CERS3: variants seen among roughly 807,000 people sequenced by gnomAD.
CERS3 encodes LAG1 homolog, ceramide synthase 3.
In CERS3, 33 loss-of-function variants were observed where a neutral mutation model predicts 50.3. That is an observed-to-expected ratio of 0.66 (90% confidence interval 0.50 to 0.88). CERS3 has a LOEUF of 0.88. Ranked by LOEUF, CERS3 falls within the 40% of genes least tolerant of loss-of-function variation. The probability of loss-of-function intolerance (pLI) is 0.00; values close to 1 mark genes in which losing one functional copy is unlikely to be tolerated. For synonymous variants in CERS3, 176 were observed against 155.2 expected, an observed-to-expected ratio of 1.13 and a Z score of -0.99; for missense variants, 470 against 460.3, an observed-to-expected ratio of 1.02 and a Z score of -0.19.
At chr15:100,496,365 C>T (rs1285039367) in intron 3 of CERS3, among the ~76,000 whole-genome samples, 1 of 151,874 alleles carries the variant, frequency 6.6e-6, no homozygotes, top group African/African-American at 2.4e-5. Context: ...AAAGGAACCA[C>T]TGATATACAT....
intron 11 of CERS3, among the ~76,000 whole-genome samples, chr15:100,425,071 C>T (rs756835722): frequency 6.6e-6 from 1 of 152,172 alleles, no homozygotes; most frequent in African/African-American, 2.4e-5. Context: ...TGGGAGCCTC[C>T]GCCTAGATTT....
upstream of CERS3, among the ~76,000 whole-genome samples, chr15:100,531,415 G>A (rs2142412404): frequency 6.6e-6 from 1 of 152,294 alleles, no homozygotes; most frequent in Middle Eastern, 3.4e-3. Flanking sequence ...CTTTGTGGGA[G>A]CTGTGGGAGT....
intron 1 of CERS3, among the ~76,000 whole-genome samples, chr15:100,523,101 T>C (rs895121562): frequency 7.9e-5 from 12 of 152,312 alleles, no homozygotes; most frequent in South Asian, 4.1e-4. Context: ...ATGTTTCAAG[T>C]CTCTTGGCTG....
At chr15:100,428,369 A>T (rs1165581028) in intron 11 of CERS3, among the ~76,000 whole-genome samples, 1 of 152,244 alleles carries the variant, frequency 6.6e-6, no homozygotes, top group Non-Finnish European at 1.5e-5. Context: ...GTGGGAAAGC[A>T]ATGAATAATT....
At chr15:100,432,416 C>T (rs2033181716) in intron 11 of CERS3, among the ~76,000 whole-genome samples, 1 of 152,200 alleles carries the variant, frequency 6.6e-6, no homozygotes, top group African/African-American at 2.4e-5. Flanking sequence ...GACAATTCCC[C>T]AGTGGAGGAA....
intron 3 of CERS3, among the ~76,000 whole-genome samples, chr15:100,501,418 A>G (rs1348913636): frequency 2.0e-5 from 3 of 152,162 alleles, no homozygotes; most frequent in Non-Finnish European, 1.5e-5. Flanking sequence ...GTGGTCCGCA[A>G]CCTCTCTTGA....
chr15:100,449,007 A>G (rs1235520672), intron 11 of CERS3, among the ~76,000 whole-genome samples: 1 of 152,166 alleles, frequency 6.6e-6, no homozygotes, highest in Non-Finnish European at 1.5e-5. Context: ...CACTCTTCCC[A>G]GTAGCAGGGC....
intron 11 of CERS3, among the ~76,000 whole-genome samples, chr15:100,413,019 T>A (rs2031607758): frequency 6.6e-6 from 1 of 150,826 alleles, no homozygotes; most frequent in Non-Finnish European, 1.5e-5. Context: ...ATGCATAGAT[T>A]TTTTTCATAC....
At chr15:100,417,508 G>C (rs2032030716) in intron 11 of CERS3, among the ~76,000 whole-genome samples, 1 of 152,008 alleles carries the variant, frequency 6.6e-6, no homozygotes, top group Non-Finnish European at 1.5e-5. Context: ...TGGGGGAGGG[G>C]CGCCCGCCAT....
chr15:100,427,104 C>G (rs1317596097), intron 11 of CERS3, among the ~76,000 whole-genome samples: 1 of 152,136 alleles, frequency 6.6e-6, no homozygotes, highest in Admixed American at 6.6e-5. Context: ...AGTAGTCAGC[C>G]GAGGGGTGTG....
chr15:100,433,376 C>G (rs2033231877), intron 11 of CERS3, among the ~76,000 whole-genome samples: 1 of 151,210 alleles, frequency 6.6e-6, no homozygotes, highest in Non-Finnish European at 1.5e-5. Flanking sequence ...GCTATAGAAT[C>G]AACATGAACA....
chr15:100,428,390 A>G (rs1387037845), intron 11 of CERS3, among the ~76,000 whole-genome samples: 1 of 152,212 alleles, frequency 6.6e-6, no homozygotes, highest in Non-Finnish European at 1.5e-5. Flanking sequence ...TGGGAAAAAC[A>G]CCTTGCCACA....
At chr15:100,513,855 A>G (rs2036421511) in intron 2 of CERS3, among the ~76,000 whole-genome samples, 1 of 152,108 alleles carries the variant, frequency 6.6e-6, no homozygotes, top group Admixed American at 6.5e-5. Context: ...TGCATAGGCC[A>G]TTCCTTCTGC....
chr15:100,421,521 T>C (rs1229787135), intron 11 of CERS3, among the ~76,000 whole-genome samples: 3 of 151,322 alleles, frequency 2.0e-5, no homozygotes, highest in Admixed American at 6.6e-5. Context: ...AGGTAATTTA[T>C]AGATTCAATG....
intron 2 of CERS3, chr15:100,503,920 A>G (rs976763249): frequency 2.7e-6 from 1 of 363,846 alleles, no homozygotes; most frequent in African/African-American, 2.1e-5. Context: ...GAAGAAAGAA[A>G]ACTCAAGGGA....
chr15:100,471,636 G>A (rs936794630), intron 9 of CERS3, among the ~76,000 whole-genome samples: 2 of 152,158 alleles, frequency 1.3e-5, no homozygotes, highest in Non-Finnish European at 2.9e-5. Context: ...AATTACACCA[G>A]CGAGGGCTGC....
chr15:100,494,040 T>G (rs1192016951), intron 3 of CERS3, among the ~76,000 whole-genome samples: 1 of 151,680 alleles, frequency 6.6e-6, no homozygotes, highest in East Asian at 1.9e-4. Context: ...CTGTGTATAG[T>G]GCATAATTTT....
chr15:100,406,712 G>T (rs2031055651), intron 11 of CERS3, among the ~76,000 whole-genome samples: 1 of 152,208 alleles, frequency 6.6e-6, no homozygotes, highest in African/African-American at 2.4e-5. Flanking sequence ...AAAGGGCCAT[G>T]CTTGGTTGAT....
intron 10 of CERS3, among the ~76,000 whole-genome samples, chr15:100,466,820 T>C (rs1449425169): frequency 2.1e-4 from 10 of 48,064 alleles, no homozygotes; most frequent in African/African-American, 5.0e-4. Context: ...TCCCTCCCTC[T>C]CTCCCTCTCT....
Sources: gnomAD v4.1 joint callset for allele counts (sites outside exome capture counted in the v4.1 genomes callset) on GRCh38, gnomAD v4.1.1 for gene constraint, MANE v1.5 for transcripts, NCBI Gene and HGNC (gene_info 2026-07-23, HGNC 2026-07-21) for gene names.